Variants in TMEM144 observed in about 807,000 individuals in gnomAD.
TMEM144 encodes transmembrane protein 144.
Under a neutral mutation model 43.6 loss-of-function variants are expected in TMEM144, and 39 were observed. The ratio of observed to expected loss-of-function variants is 0.90; its 90% confidence interval spans 0.69 to 1.17. The LOEUF (loss-of-function observed/expected upper bound fraction) is 1.17. Ranked by LOEUF, TMEM144 falls within the 50% of genes most tolerant of loss-of-function variation. The pLI, the probability that TMEM144 is intolerant of heterozygous loss-of-function variation, is 0.00. For synonymous variants in TMEM144, 154 were observed against 133.6 expected (o/e 1.15, Z -1.06); for missense variants, 417 against 411.9 (o/e 1.01, Z -0.11).
At position 158,249,902 on chromosome 4, in the gene TMEM144, G is replaced by A. The variant is rs887171558; in HGVS notation, c.955-3542G>A. 3.5e-3 allele frequency among the ~76,000 whole-genome samples: 403 copies of A among 113,736 alleles called. 1 individual carries two copies. Among genetic ancestry groups the A allele is most frequent in the Non-Finnish European group, 6.1e-3 (327 of 53,404 alleles). The allele number at this position is 113,736 out of a possible 152,430, so 74.6% of individuals were successfully genotyped here. On this transcript the variant is annotated intron_variant, in intron 12 of 12. Coordinates refer to ENST00000296529, the MANE Select transcript of TMEM144 (RefSeq NM_018342.5). ...CCTACTGCCAGGTGTGTGTGTGTGT[G>A]TGTGTGTGTGTGTGTGTGTGTGTGT... is the stretch of plus-strand genomic sequence containing the variant.
chr4:158,230,961 C>T, intron 6 of TMEM144, among the ~76,000 whole-genome samples: 1 of 152,156 alleles, frequency 6.6e-6, no homozygotes, highest in East Asian at 1.9e-4. Context: ...GAAGATTTGA[C>T]AGCCATGTAG....
intron 6 of TMEM144, among the ~76,000 whole-genome samples, chr4:158,220,874 T>G (rs920289591): frequency 5.3e-5 from 8 of 152,198 alleles, no homozygotes; most frequent in African/African-American, 1.7e-4. Flanking sequence ...CTTCCCGTAG[T>G]GCATCTAGGC....
intron 6 of TMEM144, among the ~76,000 whole-genome samples, chr4:158,231,123 T>G (rs1371105047): frequency 6.6e-6 from 1 of 152,192 alleles, no homozygotes; most frequent in Non-Finnish European, 1.5e-5. Flanking sequence ...GAGGGTCTTA[T>G]GATCTAGACA....
chr4:158,253,369 A>G (rs1736308160), intron 12 of TMEM144, 75 bp from the exon 13 acceptor site: 1 of 1,286,606 alleles, frequency 7.8e-7, no homozygotes, highest in Admixed American at 1.8e-5. Flanking sequence ...GGTCCCTAGC[A>G]ATCTTGAGAG....
At chr4:158,215,355 T>C in intron 4 of TMEM144, 42 bp downstream of exon 4, 1 of 1,598,862 alleles carries the variant, frequency 6.3e-7, no homozygotes, top group Non-Finnish European at 8.5e-7. Context: ...TGTAACATAA[T>C]GATAAAAATA....
At chr4:158,228,572 C>T (rs183436100) in intron 6 of TMEM144, among the ~76,000 whole-genome samples, 30 of 152,326 alleles carry the variant, frequency 2.0e-4, no homozygotes, top group African/African-American at 7.2e-4. Context: ...CTGCCACACA[C>T]TGCTCTGGTG....
At chr4:158,215,567 T>C (rs572164573) in intron 4 of TMEM144, among the ~76,000 whole-genome samples, 45 of 152,334 alleles carry the variant, frequency 3.0e-4, no homozygotes, top group African/African-American at 1.1e-3. Context: ...AGTAAAAACA[T>C]TTTAATTATT....
At chr4:158,252,806 T>C (rs1254242910) in intron 12 of TMEM144, among the ~76,000 whole-genome samples, 2 of 91,320 alleles carry the variant, frequency 2.2e-5, no homozygotes, top group Non-Finnish European at 4.5e-5. Flanking sequence ...AGACTCCGTC[T>C]CAAAAAAAAA....
intron 12 of TMEM144, among the ~76,000 whole-genome samples, chr4:158,250,191 A>G (rs1258492203): frequency 9.2e-6 from 1 of 109,226 alleles, no homozygotes; most frequent in Non-Finnish European, 2.1e-5. Context: ...TAATTAATAC[A>G]TAACATATAT....
rs749592484 is a variant in TMEM144, at chr4:158,217,444, A to G, written c.332+24A>G. 5.3e-6 allele frequency: 8 copies of G among 1,510,940 alleles called. No individual in the cohort carries two copies. In the African/African-American group the frequency reaches 9.6e-5, roughly 18 times the overall value. The allele number at this position is 1,510,940 out of a possible 1,614,324, so 93.6% of individuals were successfully genotyped here. A position where few individuals can be genotyped will look rare whatever the true frequency, so the allele number is the denominator to read the frequency against. ...AGGTAATTCAAGTCAAACTAGTTCA[A>G]CTAAGATTTCCTGCATCCATATTCT... is the stretch of plus-strand genomic sequence containing the variant. On this transcript the variant is annotated intron_variant, in intron 5 of 12. Transcript: ENST00000296529.
intron 9 of TMEM144, among the ~76,000 whole-genome samples, chr4:158,239,184 C>T (rs547592090): frequency 2.4e-4 from 37 of 152,068 alleles, no homozygotes; most frequent in Non-Finnish European, 4.4e-4. Flanking sequence ...TTGTGGTGGT[C>T]CATATATAGA....
chr4:158,237,594 G>C lies in TMEM144; in HGVS notation c.633G>C (p.Lys211Asn). 6.2e-7 allele frequency: 1 copy of C among 1,613,850 alleles called. No homozygotes were observed. Among genetic ancestry groups the C allele is most frequent in the East Asian group, 2.2e-5 (1 of 44,852 alleles). ...CATTTGTGCCAATCATCTACATCAA[G>C]GACCACAGCAAAAGAAATGATAGTA... The part of the protein sequence containing the change: ...GSTFVPIIYI[K>N]DHSKRNDSIY... Residue 211 changes from lysine to asparagine, a missense_variant, in exon 9 of 13, where the codon AAG becomes AAC. Coordinates refer to ENST00000296529, the MANE Select transcript of TMEM144 (RefSeq NM_018342.5).
At chr4:158,215,452 G>T in intron 4 of TMEM144, 139 bp downstream of exon 4, 1 of 1,021,540 alleles carries the variant, frequency 9.8e-7, no homozygotes, top group African/African-American at 1.6e-5. Flanking sequence ...CTAGTTTCTT[G>T]CCTTCACATG....
Position 158,253,833 on chromosome 4 carries a change from T to C in TMEM144, c.*306T>C, listed in dbSNP as rs1174476389. The C allele has an allele frequency of 2.5e-5, 8 of 324,620 alleles. No individual in the cohort carries two copies. In the East Asian group the frequency reaches 3.0e-4, roughly 12 times the overall value. The allele number at this position is 324,620 out of a possible 1,614,324, so 20.1% of individuals were successfully genotyped here. A position where few individuals can be genotyped will look rare whatever the true frequency, so the allele number is the denominator to read the frequency against. On this transcript the variant is annotated 3_prime_UTR_variant, in exon 13 of 13. Coordinates refer to ENST00000296529, the MANE Select transcript of TMEM144 (RefSeq NM_018342.5). ...TGCTCTTTTTACCACAGTATGTACC[T>C]AGTGTTGCATAATCTAGAACACAGT...
chr4:158,251,241 G>C (rs1277619316), intron 12 of TMEM144, among the ~76,000 whole-genome samples: 1 of 152,086 alleles, frequency 6.6e-6, no homozygotes, highest in African/African-American at 2.4e-5. Context: ...TAGAATACTG[G>C]AGTCTTCCGC....
In TMEM144 at chr4:158,212,679, T is replaced by G; in HGVS notation, c.12T>G (p.Asn4Lys). ...TTAAGACTGGAATCATGAGCAACAA[T>G]GGAGCAGACCTAACCTTTGGTTACA... MSN[N>K]GADLTFGYIS... The change falls in exon 3 of 13, where the codon AAT (asparagine) becomes AAG (lysine). Residue 4 changes from asparagine to lysine, a missense_variant. Coordinates refer to ENST00000296529, the MANE Select transcript of TMEM144 (RefSeq NM_018342.5). The G allele has an allele frequency of 6.2e-7, 1 of 1,611,240 alleles. No individual in the cohort carries two copies. Among genetic ancestry groups the G allele is most frequent in the South Asian group, 1.1e-5 (1 of 89,880 alleles).
At chr4:158,216,816 G>A (rs1489506516) in intron 4 of TMEM144, among the ~76,000 whole-genome samples, 1 of 151,662 alleles carries the variant, frequency 6.6e-6, no homozygotes, top group East Asian at 1.9e-4. Flanking sequence ...AGAAGAGACT[G>A]TAGGACTTGA....
chr4:158,219,303 T>C lies in TMEM144; in HGVS notation c.333-7T>C. Reference sequence around the variant, plus strand: ...ATTTAATTTGATGTGACTTTCTGGATTTTCAGGTTTGGCTGGTTTGGATTG... The same window carrying C: ...ATTTAATTTGATGTGACTTTCTGGACTTTCAGGTTTGGCTGGTTTGGATTG... On this transcript the variant is annotated splice_region_variant and splice_polypyrimidine_tract_variant and intron_variant, in intron 5 of 12. Coordinates refer to ENST00000296529, the MANE Select transcript of TMEM144 (RefSeq NM_018342.5). 1 of 1,613,702 alleles carries C rather than the reference T, an allele frequency of 6.2e-7. No individual in the cohort carries two copies. Among genetic ancestry groups the C allele is most frequent in the Non-Finnish European group, 8.5e-7 (1 of 1,179,730 alleles).
intron 6 of TMEM144, 32 bp downstream of exon 6, chr4:158,219,422 C>T (rs1455974533): frequency 1.9e-6 from 3 of 1,592,478 alleles, no homozygotes; most frequent in Non-Finnish European, 2.6e-6. Flanking sequence ...TTTTGCTGTT[C>T]TTCAAAACAT....
Sources: gnomAD v4.1 joint callset for allele counts (sites outside exome capture counted in the v4.1 genomes callset) on GRCh38, gnomAD v4.1.1 for gene constraint, MANE v1.5 for transcripts, NCBI Gene and HGNC (gene_info 2026-07-23, HGNC 2026-07-21) for gene names.